ITPR2: variants seen among roughly 807,000 people sequenced by gnomAD.
The protein encoded by ITPR2 is inositol 1,4,5-trisphosphate-gated calcium channel ITPR2.
A neutral mutation model predicts 317.1 loss-of-function variants in ITPR2; 207 were observed. That is an observed-to-expected ratio of 0.65 (90% CI 0.58 to 0.73). The LOEUF (loss-of-function observed/expected upper bound fraction) is 0.73, where lower values mean the gene tolerates loss of function less well. Among genes scored for constraint, ITPR2 ranks in the 30% least tolerant of loss-of-function variants. ITPR2 has a pLI of 0.00. For synonymous variants in ITPR2, 1,156 were observed against 1,149.1 expected, an observed-to-expected ratio of 1.01 and a Z score of -0.12; for missense variants, 2,613 against 3,284.0, an observed-to-expected ratio of 0.80 and a Z score of 4.99.
intron 36 of ITPR2, among the ~76,000 whole-genome samples, chr12:26,552,683 G>A (rs988576606): frequency 6.6e-6 from 1 of 152,050 alleles, no homozygotes; most frequent in African/African-American, 2.4e-5. Flanking sequence ...TCTACTATTC[G>A]ATTCTTTCTT....
At chr12:26,773,683 T>C (rs752539351) in intron 2 of ITPR2, among the ~76,000 whole-genome samples, 10 of 152,202 alleles carry the variant, frequency 6.6e-5, no homozygotes, top group Admixed American at 1.3e-4. Flanking sequence ...TCCTACTTTA[T>C]CACTCAGAAC....
chr12:26,666,162 A>ATT (rs1555173885), intron 13 of ITPR2, 111 bp from the exon 14 acceptor site: 1 of 398,884 alleles, frequency 2.5e-6, no homozygotes, highest in Non-Finnish European at 4.3e-6. Context: ...AGATAGATAG[A>ATT]TTTTTTTTTA....
intron 37 of ITPR2, among the ~76,000 whole-genome samples, chr12:26,521,760 A>G (rs1397509512): frequency 6.6e-6 from 1 of 152,160 alleles, no homozygotes; most frequent in African/African-American, 2.4e-5. Context: ...AACAACAACA[A>G]CAAAGCCAGA....
intron 46 of ITPR2, among the ~76,000 whole-genome samples, chr12:26,443,282 A>T (rs1720147288): frequency 6.6e-6 from 1 of 152,080 alleles, no homozygotes; most frequent in South Asian, 2.1e-4. Context: ...GCAATGATTG[A>T]TTGCTTCTAC....
At chr12:26,671,781 C>G (rs1391149725) in intron 13 of ITPR2, among the ~76,000 whole-genome samples, 1 of 152,198 alleles carries the variant, frequency 6.6e-6, no homozygotes, top group Non-Finnish European at 1.5e-5. Flanking sequence ...CAAGACTCAT[C>G]AGTGTGCTGT....
chr12:26,721,446 A>G (rs1409647571), intron 5 of ITPR2: 2 of 435,006 alleles, frequency 4.6e-6, no homozygotes, highest in African/African-American at 4.1e-5. Context: ...AAATGTAATC[A>G]AAGTTTCAAC....
At chr12:26,702,466 TCTCA>T (rs1948466433) in intron 9 of ITPR2, among the ~76,000 whole-genome samples, 2 of 146,282 alleles carry the variant, frequency 1.4e-5, no homozygotes, top group Admixed American at 1.4e-4. Flanking sequence ...TGAGACAGAC[TCTCA>T]CTCTGTCGCC....
rs994688934 is a variant in ITPR2, at chr12:26,443,719, T to A, written c.6343-69A>T. 6 of 1,180,548 alleles carry A rather than the reference T, an allele frequency of 5.1e-6. No individual in the cohort carries two copies. The African/African-American group carries it at 9.1e-5, about 18-fold the overall frequency. The allele number at this position is 1,180,548 out of a possible 1,614,324, so 73.1% of individuals were successfully genotyped here. On this transcript the variant is annotated intron_variant, in intron 45 of 56. Transcript: ENST00000381340. The stretch of plus-strand genomic sequence containing the variant: ...TTTCCTAGGGTCAAACTTTGCAATA[T>A]CTTTGTCTACTTGTACACATAGCTT...
chr12:26,498,317 A>G (rs1942991800), intron 37 of ITPR2, among the ~76,000 whole-genome samples: 1 of 152,260 alleles, frequency 6.6e-6, no homozygotes, highest in South Asian at 2.1e-4. Flanking sequence ...TAGAAGAAAC[A>G]TAAGACATGA....
intron 2 of ITPR2, among the ~76,000 whole-genome samples, chr12:26,746,767 T>C (rs1949331835): frequency 6.6e-6 from 1 of 152,148 alleles, no homozygotes; most frequent in African/African-American, 2.4e-5. Context: ...GTGTGTTGCA[T>C]GTACCTACCT....
chr12:26,356,921 A>T (rs980893659), intron 55 of ITPR2, among the ~76,000 whole-genome samples: 3 of 152,256 alleles, frequency 2.0e-5, no homozygotes, highest in Non-Finnish European at 4.4e-5. Flanking sequence ...TCTGATAGAA[A>T]AAGACTTTAA....
chr12:26,662,004 G>C (rs1019965789), intron 15 of ITPR2, among the ~76,000 whole-genome samples: 1 of 152,166 alleles, frequency 6.6e-6, no homozygotes, highest in South Asian at 2.1e-4. Context: ...CAGCAAGAAG[G>C]GTGTTTATAA....
chr12:26,692,380 CAG>C (rs1457575655), intron 10 of ITPR2, among the ~76,000 whole-genome samples: 4 of 152,316 alleles, frequency 2.6e-5, no homozygotes, highest in African/African-American at 9.6e-5. Context: ...TGCACCACAA[CAG>C]AGAATTATCT....
intron 34 of ITPR2, among the ~76,000 whole-genome samples, chr12:26,562,741 G>T (rs910101728): frequency 5.7e-5 from 8 of 140,898 alleles, no homozygotes; most frequent in Admixed American, 2.2e-4. Context: ...ACAGGAAGGG[G>T]AACATCACAC....
At chr12:26,722,367 C>T in intron 5 of ITPR2, 30 bp downstream of exon 5, 1 of 1,556,380 alleles carries the variant, frequency 6.4e-7, no homozygotes, top group Non-Finnish European at 8.7e-7. Context: ...TATGAACCCA[C>T]TATTTCCCTC....
chr12:26,647,110 C>T (rs1591994266), intron 21 of ITPR2, among the ~76,000 whole-genome samples: 1 of 152,174 alleles, frequency 6.6e-6, no homozygotes, highest in African/African-American at 2.4e-5. Context: ...GTTCACTGAA[C>T]GATGTAGACT....
chr12:26,438,162 C>T (rs547630136), intron 47 of ITPR2, among the ~76,000 whole-genome samples: 1 of 152,072 alleles, frequency 6.6e-6, no homozygotes, highest in Non-Finnish European at 1.5e-5. Context: ...ATTTTAGACA[C>T]CCAAAATTTT....
At chr12:26,350,665 C>A (rs1200767636) in intron 55 of ITPR2, among the ~76,000 whole-genome samples, 1 of 152,038 alleles carries the variant, frequency 6.6e-6, no homozygotes, top group African/African-American at 2.4e-5. Flanking sequence ...TCTCACCCCC[C>A]AGACAACAGC....
At chr12:26,784,355 C>G (rs1950164963) in intron 2 of ITPR2, among the ~76,000 whole-genome samples, 3 of 88,062 alleles carry the variant, frequency 3.4e-5, no homozygotes, top group African/African-American at 3.5e-5. Context: ...CTCTCCCTCT[C>G]CCTCTCCCTC....
Sources: gnomAD v4.1 joint callset for allele counts (sites outside exome capture counted in the v4.1 genomes callset) on GRCh38, gnomAD v4.1.1 for gene constraint, MANE v1.5 for transcripts, NCBI Gene and HGNC (gene_info 2026-07-23, HGNC 2026-07-21) for gene names.